ZKSCAN7: variants seen among roughly 807,000 people sequenced by gnomAD.
ZKSCAN7 encodes zinc finger with KRAB and SCAN domains 7, also known as zinc finger protein with KRAB and SCAN domains 7.
ZKSCAN7 carries 38 observed loss-of-function variants against 65.3 expected under a neutral mutation model. That is an observed-to-expected ratio of 0.58 (90% CI 0.45 to 0.76). ZKSCAN7 has a LOEUF of 0.76. Among genes scored for constraint, ZKSCAN7 ranks in the 30% least tolerant of loss-of-function variants. ZKSCAN7 has a pLI of 0.00. For missense variants in ZKSCAN7, 815 were observed against 913.3 expected, an observed-to-expected ratio of 0.89 and a Z score of 1.39; for synonymous variants, 321 against 321.0, an observed-to-expected ratio of 1.00 and a Z score of 0.00.
chr3:44,562,709 G>A (rs756818139), intron 2 of ZKSCAN7, among the ~76,000 whole-genome samples: 15 of 152,218 alleles, frequency 9.9e-5, no homozygotes, highest in East Asian at 9.6e-4. Context: ...AGGGCTGGGC[G>A]TGGTGGCTCA....
At chr3:44,565,942 A>G (rs1391450325) in intron 3 of ZKSCAN7, among the ~76,000 whole-genome samples, 2 of 152,212 alleles carry the variant, frequency 1.3e-5, no homozygotes, top group African/African-American at 4.8e-5. Context: ...AGATGGTAGG[A>G]TGAGTTAGTC....
At chr3:44,575,013 T>C (rs1006603113), downstream of ZKSCAN7, among the ~76,000 whole-genome samples, 1 of 150,816 alleles carries the variant, frequency 6.6e-6, no homozygotes, top group African/African-American at 2.4e-5. Flanking sequence ...CTGGGTCCAG[T>C]CAGGTGTGGT....
chr3:44,559,099 T>A (rs1428049431), intron 2 of ZKSCAN7, among the ~76,000 whole-genome samples: 3 of 152,066 alleles, frequency 2.0e-5, no homozygotes, highest in Non-Finnish European at 4.4e-5. Flanking sequence ...TTCATGGAAC[T>A]TTTAGCTTTG....
chr3:44,580,769 C>T, intron 5 of ZKSCAN7: 1 of 1,613,400 alleles, frequency 6.2e-7, no homozygotes, highest in Admixed American at 1.7e-5. Context: ...GCATCTCATC[C>T]AGGGCGTAGC....
At chr3:44,567,235 A>T (rs1391091353) in intron 3 of ZKSCAN7, among the ~76,000 whole-genome samples, 1 of 152,034 alleles carries the variant, frequency 6.6e-6, no homozygotes, top group African/African-American at 2.4e-5. Context: ...GGAAAGGAAA[A>T]GAGGAGGGGA....
Position 44,572,086 on chromosome 3 carries a change from G to T in ZKSCAN7, c.*711G>T. 4 of 984,246 alleles carry T rather than the reference G, an allele frequency of 4.1e-6. No individual in the cohort carries two copies. The highest frequency in any genetic ancestry group is 4.8e-6 in the Non-Finnish European group (4 of 828,884). The allele number at this position is 984,246 out of a possible 1,614,324, so 61.0% of individuals were successfully genotyped here. A position where few individuals can be genotyped will look rare whatever the true frequency, so the allele number is the denominator to read the frequency against. On this transcript the variant is annotated 3_prime_UTR_variant, in exon 6 of 6. Transcript: ENST00000426540. The stretch of plus-strand genomic sequence containing the variant: ...CTTATTGTAGGCTCTTTGAGGTCAG[G>T]TATGTATTTCTTTCCCATATAGATA...
chr3:44,569,097 T>C (rs1699718642), intron 5 of ZKSCAN7, among the ~76,000 whole-genome samples: 2 of 152,378 alleles, frequency 1.3e-5, no homozygotes, highest in Middle Eastern at 3.4e-3. Flanking sequence ...TGGACTTTCA[T>C]TGCTATAGCC....
intron 2 of ZKSCAN7, among the ~76,000 whole-genome samples, chr3:44,559,584 A>G (rs1699403684): frequency 6.6e-6 from 1 of 151,954 alleles, no homozygotes; most frequent in African/African-American, 2.4e-5. Context: ...GAGCCACCAC[A>G]CCTGGCTAAT....
In ZKSCAN7 at chr3:44,578,411, C is replaced by T. The variant is rs545779038; in HGVS notation, c.812-4561C>T. 1.5e-4 allele frequency: 239 copies of T among 1,614,074 alleles called. 2 individuals carry two copies. The Admixed American group carries it at 3.6e-3, about 24-fold the overall frequency. On this transcript the variant is annotated intron_variant, in intron 5 of 5. Coordinates refer to the ZKSCAN7 transcript ENST00000341840. Reference sequence around the variant, plus strand: ...GTCCCCAGTCAGCAGCGTCCGCAACCGTGTGATCTCTGCAGCCAGGCGGTT... The same window carrying T: ...GTCCCCAGTCAGCAGCGTCCGCAACTGTGTGATCTCTGCAGCCAGGCGGTT...
In ZKSCAN7 at chr3:44,557,485, C is replaced by A; in HGVS notation, c.423+15C>A. The A allele has an allele frequency of 1.2e-6, 2 of 1,613,500 alleles. No individual in the cohort carries two copies. The highest frequency in any genetic ancestry group is 1.7e-4 in the Middle Eastern group (1 of 6,052). On this transcript the variant is annotated intron_variant, in intron 2 of 5. Coordinates refer to ENST00000426540, the MANE Select transcript of ZKSCAN7 (RefSeq NM_001288590.2). ...GATCAGAGGAGGTGAGCAGTTGAGT[C>A]TAGAATGGCGGCCTGATGCTTCTCT...
At chr3:44,575,190 G>T (rs1249969867), downstream of ZKSCAN7, among the ~76,000 whole-genome samples, 3 of 152,350 alleles carry the variant, frequency 2.0e-5, no homozygotes, top group East Asian at 5.8e-4. Context: ...TAGGTATTCA[G>T]GAGACTGAGG....
At position 44,559,758 on chromosome 3, in the gene ZKSCAN7, T is replaced by G. The variant is rs78747787; in HGVS notation, c.423+2288T>G. On this transcript the variant is annotated intron_variant, in intron 2 of 5. Transcript: ENST00000426540. ...ATGCTTTTTAAAAAATGATTACATA[T>G]CACTAGGGAATCAGTTCTAGTTGAT... 8.6e-3 allele frequency among the ~76,000 whole-genome samples: 1,308 copies of G among 152,308 alleles called. 14 individuals carry two copies. The highest frequency in any genetic ancestry group is 0.03 in the African/African-American group (1,246 of 41,562).
chr3:44,572,088 A>G lies in ZKSCAN7; in HGVS notation c.*713A>G, dbSNP rs547145971. 11 of 984,228 alleles carry G rather than the reference A, an allele frequency of 1.1e-5. No homozygotes were observed. Among genetic ancestry groups the G allele is most frequent in the South Asian group, 4.7e-5 (1 of 21,254 alleles). The allele number at this position is 984,228 out of a possible 1,614,324, so 61.0% of individuals were successfully genotyped here. A position where few individuals can be genotyped will look rare whatever the true frequency, so the allele number is the denominator to read the frequency against. On this transcript the variant is annotated 3_prime_UTR_variant, in exon 6 of 6. Transcript: ENST00000426540. ...TATTGTAGGCTCTTTGAGGTCAGGT[A>G]TGTATTTCTTTCCCATATAGATAGT...
chr3:44,579,611 A>T (rs1161514101), intron 5 of ZKSCAN7, among the ~76,000 whole-genome samples: 1 of 152,062 alleles, frequency 6.6e-6, no homozygotes, highest in Non-Finnish European at 1.5e-5. Flanking sequence ...GATGGTCTGG[A>T]TCCAGTTCCG....
rs374169022 is a variant in ZKSCAN7, at chr3:44,570,582, G to C, written c.1472G>C (p.Gly491Ala). Residue 491 changes from glycine (G) to alanine (A), a missense_variant, in exon 6 of 6, where the codon GGG (glycine) becomes GCG (alanine). By Grantham distance (60) the Gly-to-Ala change is moderately conservative. Around this residue, in one of 3 missense-constraint regions of ZKSCAN7, gnomAD observed 578 missense variants for 629.5 expected, o/e 0.92. Coordinates refer to ENST00000426540, the MANE Select transcript of ZKSCAN7 (RefSeq NM_001288590.2). Reference sequence around the variant, plus strand: ...ACTGACCACCAGAGAACCCATACTGGGGAGAAACCTTATGAATGCAATGAG... The same window carrying C: ...ACTGACCACCAGAGAACCCATACTGCGGAGAAACCTTATGAATGCAATGAG... ...RLTDHQRTHTGEKPYECNECG... is the reference protein window; with the variant it reads ...RLTDHQRTHTAEKPYECNECG... 1.2e-6 allele frequency: 2 copies of C among 1,614,062 alleles called. No individual in the cohort carries two copies.
intron 5 of ZKSCAN7, among the ~76,000 whole-genome samples, chr3:44,578,660 C>G (rs779380126): frequency 6.6e-6 from 1 of 152,166 alleles, no homozygotes; most frequent in Non-Finnish European, 1.5e-5. Context: ...GATCTGGGAC[C>G]GCTGGCTCTT....
rs1699788797 is a variant in ZKSCAN7 at position 44,570,934 on chromosome 3, A to G, written c.1824A>G (p.Glu608=). Residue 608 remains glutamate, a synonymous_variant, in exon 6 of 6, where the codon GAA becomes GAG. Transcript: ENST00000426540. ...ERIHTGEKPF[E]CSECGKAFGL... ...TTCATACTGGAGAAAAACCTTTTGA[A>G]TGTAGCGAGTGTGGTAAGGCATTTG... 3.1e-6 allele frequency: 5 copies of G among 1,614,148 alleles called. No homozygotes were observed. In the East Asian group the frequency reaches 8.9e-5, roughly 29 times the overall value.
intron 4 of ZKSCAN7, 77 bp downstream of exon 4, chr3:44,568,080 A>G (rs1699685407): frequency 5.0e-6 from 6 of 1,195,398 alleles, no homozygotes; most frequent in Non-Finnish European, 7.1e-6. Context: ...CACCCCCAGG[A>G]CTCTGCCCCA....
At chr3:44,579,183 G>T (rs149761667) in intron 5 of ZKSCAN7, among the ~76,000 whole-genome samples, 1 of 152,236 alleles carries the variant, frequency 6.6e-6, no homozygotes, top group African/African-American at 2.4e-5. Flanking sequence ...CCTGGGCTCC[G>T]GTCCACCTCC....
Sources: gnomAD v4.1 joint callset for allele counts (sites outside exome capture counted in the v4.1 genomes callset) on GRCh38, gnomAD v4.1.1 for gene constraint, gnomAD v4.1.1 regional missense constraint, MANE v1.5 for transcripts, NCBI Gene and HGNC (gene_info 2026-07-23, HGNC 2026-07-21) for gene names.